The following NF1 variants were observed in gnomAD, a reference collection of about 807,000 sequenced individuals.
NF1 encodes neurofibromin 1.
NF1 carries 122 observed loss-of-function variants against 325.7 expected under a neutral mutation model. The ratio of observed to expected loss-of-function variants is 0.37; its 90% CI spans 0.32 to 0.44. NF1 has a LOEUF of 0.44. NF1 is among the 20% of genes least tolerant of loss of function. The pLI is 1.00. For missense variants in NF1, 2,140 were observed against 3,415.4 expected (o/e 0.63, Z 9.31); for synonymous variants, 1,091 against 1,186.0 (o/e 0.92, Z 1.65).
rs1296205905 is a variant in NF1, at chr17:31,336,061, C to T, written c.6007-272C>T. Among the ~76,000 whole-genome samples, 1 of 151,962 alleles carries T rather than the reference C, an allele frequency of 6.6e-6. No homozygotes were observed. Among genetic ancestry groups the T allele is most frequent in the Non-Finnish European group, 1.5e-5 (1 of 67,996 alleles). Reference sequence around the variant, plus strand: ...CTTAGAAAAGCATAGAGATACTTTGCAAGTGACTGAAGATAGTATTGATAG... The same window carrying T: ...CTTAGAAAAGCATAGAGATACTTTGTAAGTGACTGAAGATAGTATTGATAG... On this transcript the variant is annotated intron_variant, in intron 40 of 57. Coordinates refer to ENST00000358273, the MANE Select transcript of NF1 (RefSeq NM_001042492.3). The surrounding 1 kb of genome is among the most constrained non-coding windows in gnomAD (Gnocchi z 5.5).
intron 1 of NF1, among the ~76,000 whole-genome samples, chr17:31,113,002 A>G (rs753387070): frequency 6.6e-6 from 1 of 152,180 alleles, no homozygotes; most frequent in Admixed American, 6.5e-5. Context: ...TAAAATATCA[A>G]GTCAGGTAGT....
At chr17:31,361,081 CAAAAAAAAAAAAA>C (rs60249232) in intron 57 of NF1, 3 of 46,546 alleles carry the variant, frequency 6.4e-5, no homozygotes, top group Non-Finnish European at 1.1e-4. Flanking sequence ...CATACTATAT[CAAAAAAAAAAAAA>C]AAAAAAAAAA....
At chr17:31,343,478 G>A (rs1022236178) in intron 48 of NF1, among the ~76,000 whole-genome samples, 3 of 152,124 alleles carry the variant, frequency 2.0e-5, no homozygotes, top group African/African-American at 4.8e-5. Flanking sequence ...CTGGGAAGTC[G>A]AGGCTACAGT....
chr17:31,188,820 G>A (rs2066287102), intron 8 of NF1, among the ~76,000 whole-genome samples: 1 of 152,124 alleles, frequency 6.6e-6, no homozygotes, highest in African/African-American at 2.4e-5. Flanking sequence ...TCTTCCTCCT[G>A]TGCTGGTTGC....
intron 36 of NF1, among the ~76,000 whole-genome samples, chr17:31,323,886 G>A (rs2069276996): frequency 6.6e-6 from 1 of 151,884 alleles, no homozygotes; most frequent in South Asian, 2.1e-4. Context: ...CATTTCCTTT[G>A]ATAAGTGATT....
intron 35 of NF1, among the ~76,000 whole-genome samples, chr17:31,263,721 A>G (rs1328962420): frequency 6.6e-6 from 1 of 151,664 alleles, no homozygotes; most frequent in African/African-American, 2.4e-5. Context: ...GTTGGATCTT[A>G]TTTTTGTTCT....
At chr17:31,246,205 G>C (rs1458744713) in intron 29 of NF1, among the ~76,000 whole-genome samples, 1 of 152,220 alleles carries the variant, frequency 6.6e-6, no homozygotes, top group Non-Finnish European at 1.5e-5. Flanking sequence ...GCAGATAGTA[G>C]ATGTGCACTA....
rs1315346698 is a variant in NF1 at position 31,216,891 on chromosome 17, C to G, written c.1528-2114C>G. ...TCCCTCTGCCTAGAATCTGCTTACT[C>G]TTAACATAGTAATTCCTACTCATTC... On this transcript the variant is annotated intron_variant, in intron 13 of 57. Coordinates refer to ENST00000358273, the MANE Select transcript of NF1 (RefSeq NM_001042492.3). 5.9e-5 allele frequency among the ~76,000 whole-genome samples: 9 copies of G among 152,272 alleles called. No homozygotes were observed. In the East Asian group the frequency reaches 1.7e-3, roughly 29 times the overall value.
At chr17:31,201,801 T>G (rs1414114575) in intron 11 of NF1, among the ~76,000 whole-genome samples, 1 of 152,196 alleles carries the variant, frequency 6.6e-6, no homozygotes, top group African/African-American at 2.4e-5. Flanking sequence ...TTTAAAATTT[T>G]CATCCCGAAG....
At chr17:31,095,783 C>T (rs1417712074) in intron 1 of NF1, among the ~76,000 whole-genome samples, 1 of 152,082 alleles carries the variant, frequency 6.6e-6, no homozygotes, top group Non-Finnish European at 1.5e-5. Context: ...TCTTCCTCTT[C>T]CCTCCGTGAC....
intron 29 of NF1, among the ~76,000 whole-genome samples, chr17:31,240,060 G>A (rs1019439344): frequency 1.3e-5 from 2 of 152,074 alleles, no homozygotes; most frequent in African/African-American, 2.4e-5. Flanking sequence ...CACCGTGCCC[G>A]GCCTATCGTT....
chr17:31,105,616 G>C (rs1458423990), intron 1 of NF1, among the ~76,000 whole-genome samples: 1 of 152,146 alleles, frequency 6.6e-6, no homozygotes, highest in African/African-American at 2.4e-5. Context: ...CCAGGCTCAA[G>C]CGATTTTCCT....
At chr17:31,121,202 T>C (rs1331805787) in intron 1 of NF1, among the ~76,000 whole-genome samples, 1 of 152,054 alleles carries the variant, frequency 6.6e-6, no homozygotes, top group Non-Finnish European at 1.5e-5. Context: ...CAAAAAGAAA[T>C]GCCAAAGAAT....
chr17:31,243,191 T>C (rs879568914), intron 29 of NF1, among the ~76,000 whole-genome samples: 21 of 151,154 alleles, frequency 1.4e-4, no homozygotes, highest in Non-Finnish European at 2.5e-4. Context: ...TGTCTGTGTG[T>C]GTGTGTGTGT....
chr17:31,187,857 T>C (rs2066271160), intron 8 of NF1, among the ~76,000 whole-genome samples: 2 of 152,128 alleles, frequency 1.3e-5, no homozygotes, highest in Admixed American at 6.5e-5. Context: ...GAAGTTAAGA[T>C]TGCCACCTGG....
intron 4 of NF1, among the ~76,000 whole-genome samples, chr17:31,164,006 A>T (rs942864440): frequency 3.9e-5 from 6 of 152,244 alleles, no homozygotes; most frequent in African/African-American, 1.4e-4. Flanking sequence ...ACTGCCATTT[A>T]TTGAGTATTT....
At chr17:31,130,510 C>T (rs764059156) in intron 1 of NF1, among the ~76,000 whole-genome samples, 2 of 147,032 alleles carry the variant, frequency 1.4e-5, no homozygotes, top group Non-Finnish European at 3.0e-5. Flanking sequence ...AGCACAGGGG[C>T]AGGGTGCTGG....
intron 36 of NF1, among the ~76,000 whole-genome samples, chr17:31,307,695 T>C (rs2068760872): frequency 1.3e-5 from 2 of 152,226 alleles, no homozygotes. Context: ...TTTGGTATAA[T>C]ATACTTGTTT....
chr17:31,334,771 T>A (rs1356495255), intron 39 of NF1, 67 bp from the exon 40 acceptor site: 1 of 1,311,618 alleles, frequency 7.6e-7, no homozygotes, highest in South Asian at 1.2e-5. Flanking sequence ...CCCGAATTCT[T>A]TATGTTAAAT....
Sources: gnomAD v4.1 joint callset for allele counts (sites outside exome capture counted in the v4.1 genomes callset) on GRCh38, gnomAD v4.1.1 for gene constraint, Gnocchi (gnomAD v3.1) non-coding constraint, MANE v1.5 for transcripts, NCBI Gene and HGNC (gene_info 2026-07-23, HGNC 2026-07-21) for gene names.